The following SLX4 variants were observed in gnomAD, a reference collection of about 807,000 sequenced individuals.
SLX4 encodes SLX4 structure-specific endonuclease subunit.
In SLX4, 112 loss-of-function variants were observed where a neutral mutation model predicts 146.2. That is an observed-to-expected ratio of 0.77 (90% CI 0.66 to 0.90). SLX4 has a LOEUF of 0.90. SLX4 is among the 40% of genes least tolerant of loss of function. SLX4 has a pLI of 0.00. For synonymous variants in SLX4, 1,061 were observed against 997.7 expected, an observed-to-expected ratio of 1.06 and a Z score of -1.20; for missense variants, 2,563 against 2,392.7, an observed-to-expected ratio of 1.07 and a Z score of -1.49.
intron 3 of SLX4, among the ~76,000 whole-genome samples, chr16:3,605,011 C>T (rs776171966): frequency 6.7e-6 from 1 of 150,150 alleles, no homozygotes. Flanking sequence ...AGCTCAACGT[C>T]CTGGGCTCAA....
chr16:3,582,423 G>A lies in SLX4; in HGVS notation c.5424C>T (p.Phe1808=), dbSNP rs2040448598. 1.9e-6 allele frequency: 3 copies of A among 1,613,916 alleles called. No homozygotes were observed. The highest frequency in any genetic ancestry group is 1.1e-5 in the South Asian group (1 of 91,090). ...TCTCCCTGCGGGTGGCGGCAGTGGT[G>A]AAGGTGATACAGTGGGTGTCCAGGA... is the stretch of plus-strand genomic sequence containing the variant. ...LDFLDTHCIT[F]TTAATRREKL... Residue 1808 remains phenylalanine (F), a synonymous_variant, in exon 15 of 15, where the codon TTC becomes TTT. Coordinates refer to ENST00000294008, the MANE Select transcript of SLX4 (RefSeq NM_032444.4).
At chr16:3,611,390 T>G (rs907373628) in intron 1 of SLX4, among the ~76,000 whole-genome samples, 170 bp downstream of exon 1, 1 of 152,088 alleles carries the variant, frequency 6.6e-6, no homozygotes, top group Non-Finnish European at 1.5e-5. Flanking sequence ...TCCACCCGAG[T>G]GCGGCTCCTG....
Position 3,582,133 on chromosome 16 carries a change from T to C in SLX4, c.*209A>G. On this transcript the variant is annotated 3_prime_UTR_variant, in exon 15 of 15. Coordinates refer to ENST00000294008, the MANE Select transcript of SLX4 (RefSeq NM_032444.4). Reference sequence around the variant, plus strand: ...GAGTCTGTAAATCCAGTGGGTGACATGCTCCAAATGCCACCCTAGAAAGCA... The same window carrying C: ...GAGTCTGTAAATCCAGTGGGTGACACGCTCCAAATGCCACCCTAGAAAGCA... 1.7e-6 allele frequency: 1 copy of C among 597,920 alleles called. No individual in the cohort carries two copies. Among genetic ancestry groups the C allele is most frequent in the Non-Finnish European group, 3.0e-6 (1 of 335,826 alleles). 37.0% of individuals were successfully genotyped at this position (597,920 alleles called of 1,614,324 possible). A position where few individuals can be genotyped will look rare whatever the true frequency, so the allele number is the denominator to read the frequency against.
rs1173910365 is a variant in SLX4, at chr16:3,602,221, C to A, written c.847G>T (p.Ala283Ser). The change falls in exon 4 of 15, where the codon GCA becomes TCA. Residue 283 changes from alanine (A) to serine (S), a missense_variant. Coordinates refer to ENST00000294008, the MANE Select transcript of SLX4 (RefSeq NM_032444.4). Reference sequence around the variant, plus strand: ...TTTTCCTCCAGGCTATCATCATGTGCCGATGCTCCTACCCGTGCAAACTCC... The same window carrying A: ...TTTTCCTCCAGGCTATCATCATGTGACGATGCTCCTACCCGTGCAAACTCC... The part of the protein sequence containing the change: ...QQEFARVGAS[A>S]HDDSLEEKGL... 1 of 1,614,178 alleles carries A rather than the reference C, an allele frequency of 6.2e-7. No individual in the cohort carries two copies. Among genetic ancestry groups the A allele is most frequent in the East Asian group, 2.2e-5 (1 of 44,884 alleles).
At position 3,608,843 on chromosome 16, in the gene SLX4, C is replaced by G. The variant is rs2151139836; in HGVS notation, c.122G>C (p.Gly41Ala). The G allele has an allele frequency of 1.2e-6, 2 of 1,614,130 alleles. No homozygotes were observed. The highest frequency in any genetic ancestry group is 1.7e-6 in the Non-Finnish European group (2 of 1,180,026). The change falls in exon 2 of 15, where the codon GGT becomes GCT. Residue 41 changes from glycine (G) to alanine (A), a missense_variant. Transcript: ENST00000294008. The part of the protein sequence containing the change: ...SEDQPESLKT[G>A]QMMDESDEDF... ...CTCATCAGACTCATCCATCATCTGA[C>G]CAGTTTTAAGGCTTTCAGGCTGGTC...
Position 3,583,185 on chromosome 16 carries a change from C to CT in SLX4, c.5064dup (p.Gly1689ArgfsTer4). On this transcript the variant is annotated frameshift_variant, in exon 14 of 15. Transcript: ENST00000294008. LOFTEE classifies it high-confidence loss of function. ...GGGATCTGGGCGTCATCATTGAGGC[C>CT]TGGAGGTGCCTCCTTGGTGGGCGAC... 1 of 1,614,242 alleles carries CT rather than the reference C, an allele frequency of 6.2e-7. No homozygotes were observed. The highest frequency in any genetic ancestry group is 8.5e-7 in the Non-Finnish European group (1 of 1,180,046).
rs1009573141 is a variant in SLX4, at chr16:3,602,225, T to C, written c.843A>G (p.Ala281=). The C allele has an allele frequency of 1.2e-6, 2 of 1,614,100 alleles. No homozygotes were observed. Among genetic ancestry groups the C allele is most frequent in the African/African-American group, 2.7e-5 (2 of 74,948 alleles). Residue 281 remains alanine, a synonymous_variant, in exon 4 of 15, where the codon GCA becomes GCG. Transcript: ENST00000294008. The part of the protein sequence containing the change: ...TLQQEFARVG[A]SAHDDSLEEK... The stretch of plus-strand genomic sequence containing the variant: ...CCTCCAGGCTATCATCATGTGCCGA[T>C]GCTCCTACCCGTGCAAACTCCTGCT...
At chr16:3,600,844 C>A (rs1002613967) in intron 5 of SLX4, 135 bp downstream of exon 5, 29 of 892,126 alleles carry the variant, frequency 3.3e-5, no homozygotes, top group Non-Finnish European at 1.8e-6. Flanking sequence ...GATCTGCCCA[C>A]CTTGGCCTCC....
Position 3,606,718 on chromosome 16 carries a change from T to C in SLX4, c.536-20A>G, listed in dbSNP as rs2040789668. 1 of 1,612,456 alleles carries C rather than the reference T, an allele frequency of 6.2e-7. No homozygotes were observed. Among genetic ancestry groups the C allele is most frequent in the South Asian group, 1.1e-5 (1 of 91,048 alleles). On this transcript the variant is annotated intron_variant, in intron 2 of 14. Transcript: ENST00000294008. Reference sequence around the variant, plus strand: ...CATTCTCTGGCAAGGAGGAAAATATTCACAACCATCTGTTGTAGCTGGAGA... The same window carrying C: ...CATTCTCTGGCAAGGAGGAAAATATCCACAACCATCTGTTGTAGCTGGAGA...
At chr16:3,611,486 G>A (rs1350714222) in intron 1 of SLX4, 74 bp downstream of exon 1, 3 of 152,294 alleles carry the variant, frequency 2.0e-5, no homozygotes, top group African/African-American at 7.2e-5. Flanking sequence ...TTAGGAAAGA[G>A]AGAACGGCCC....
rs139900828 is a variant in SLX4 at position 3,594,591 on chromosome 16, G to A, written c.2022C>T (p.Leu674=). ...CGCCAAAGTCAGCAACCAGCAGCCC[G>A]AGGGAGAGCTGAAGCAGGAGGAGAG... ...PDRGGRTLLS[L]GLLVADFGAM... The change falls in exon 10 of 15, where the codon CTC becomes CTT. Residue 674 remains leucine, a synonymous_variant. Coordinates refer to ENST00000294008, the MANE Select transcript of SLX4 (RefSeq NM_032444.4). 20 of 1,613,956 alleles carry A rather than the reference G, an allele frequency of 1.2e-5. No homozygotes were observed. The highest frequency in any genetic ancestry group is 1.2e-4 in the African/African-American group (9 of 74,926).
chr16:3,584,751 G>A lies in SLX4; in HGVS notation c.4739+18C>T, dbSNP rs2040488158. 2 of 1,589,812 alleles carry A rather than the reference G, an allele frequency of 1.3e-6. No individual in the cohort carries two copies. Among genetic ancestry groups the A allele is most frequent in the African/African-American group, 1.3e-5 (1 of 74,376 alleles). On this transcript the variant is annotated intron_variant, in intron 13 of 14. Coordinates refer to ENST00000294008, the MANE Select transcript of SLX4 (RefSeq NM_032444.4). ...GGGAAAAGACCACTGTGGGCAACAA[G>A]CTTTGAAGACCGCCAACCTATCCAG...
intron 3 of SLX4, among the ~76,000 whole-genome samples, chr16:3,603,239 C>T (rs568232386): frequency 1.3e-5 from 2 of 152,316 alleles, no homozygotes; most frequent in South Asian, 4.1e-4. Flanking sequence ...GACAGGGCTT[C>T]ACCATGTTGG....
chr16:3,595,755 G>T, intron 8 of SLX4, 62 bp from the exon 9 acceptor site: 1 of 1,579,694 alleles, frequency 6.3e-7, no homozygotes. Flanking sequence ...CCACCAAGAA[G>T]ACAGCGTTGA....
intron 3 of SLX4, among the ~76,000 whole-genome samples, chr16:3,603,466 G>A (rs1456407023): frequency 1.3e-5 from 2 of 152,228 alleles, no homozygotes; most frequent in Non-Finnish European, 2.9e-5. Context: ...CCAGCTGGGT[G>A]CCTCCTCTGC....
At chr16:3,583,664 G>C (rs1190597041) in intron 13 of SLX4, among the ~76,000 whole-genome samples, 154 bp from the exon 14 acceptor site, 1 of 152,232 alleles carries the variant, frequency 6.6e-6, no homozygotes, top group African/African-American at 2.4e-5. Context: ...TCAGAGGTTA[G>C]TGTCTATTCT....
At position 3,590,954 on chromosome 16, in the gene SLX4, T is replaced by C. The variant is rs779708181; in HGVS notation, c.2684A>G (p.Gln895Arg). Residue 895 changes from glutamine to arginine, a missense_variant, in exon 12 of 15, where the codon CAG becomes CGG. Gln to Arg is a conservative substitution (Grantham distance 43). Coordinates refer to ENST00000294008, the MANE Select transcript of SLX4 (RefSeq NM_032444.4). This position sits in a 1 kb window ranked among gnomAD's most constrained non-coding sequence, Gnocchi z 4.8. ...PVSGQLLAGV[Q>R]VQKQWDKVEE... ...CACCTTGTCCCACTGTTTCTGCACC[T>C]GGACACCTGCTAGGAGTTGCCCAGA... 39 of 1,614,192 alleles carry C rather than the reference T, an allele frequency of 2.4e-5. No homozygotes were observed. Among genetic ancestry groups the C allele is most frequent in the Non-Finnish European group, 3.3e-5 (39 of 1,180,036 alleles).
rs2151120813 is a variant in SLX4, at chr16:3,589,027, C to T, written c.4611G>A (p.Gln1537=). ...PAQMPSAGGA[Q]KPEGLETPKG... is the part of the protein sequence containing the mutation. ...TGGGTGTCTCTAACCCTTCGGGCTT[C>T]TGAGCTCCACCAGCGCTTGGCATCT... Residue 1537 remains glutamine (Q), a synonymous_variant, in exon 12 of 15, where the codon CAG becomes CAA. Transcript: ENST00000294008. This position sits in a 1 kb window ranked among gnomAD's most constrained non-coding sequence, Gnocchi z 6.2. 6.2e-7 allele frequency: 1 copy of T among 1,614,168 alleles called. No homozygotes were observed. The highest frequency in any genetic ancestry group is 8.5e-7 in the Non-Finnish European group (1 of 1,180,040).
At position 3,597,616 on chromosome 16, in the gene SLX4, C is replaced by G. The variant is rs1487752224; in HGVS notation, c.1446G>C (p.Gln482His). ...GGAGCAGGGCCACACGGTCCTCTAT[C>G]TGTCGGCCTGTGGTTTCAGAGTCCT... is the stretch of plus-strand genomic sequence containing the variant. ...LVQDSETTGR[Q>H]IEDRVALLLS... Residue 482 changes from glutamine to histidine, a missense_variant, in exon 7 of 15, where the codon CAG (glutamine) becomes CAC (histidine). Coordinates refer to ENST00000294008, the MANE Select transcript of SLX4 (RefSeq NM_032444.4). This position sits in a 1 kb window ranked among gnomAD's most constrained non-coding sequence, Gnocchi z 4.4. 6.2e-7 allele frequency: 1 copy of G among 1,614,152 alleles called. No homozygotes were observed. Among genetic ancestry groups the G allele is most frequent in the Non-Finnish European group, 8.5e-7 (1 of 1,180,038 alleles).
Sources: allele counts gnomAD v4.1 joint callset (sites outside exome capture counted in the v4.1 genomes callset), GRCh38; gene constraint gnomAD v4.1.1; non-coding constraint Gnocchi (gnomAD v3.1); transcripts MANE v1.5; gene names NCBI Gene and HGNC (gene_info 2026-07-23, HGNC 2026-07-21).